DPP6: variants seen among roughly 807,000 people sequenced by gnomAD.
DPP6 encodes the protein dipeptidyl peptidase like 6, also known as A-type potassium channel modulatory protein DPP6.
In DPP6, 69 loss-of-function variants were observed where a neutral mutation model predicts 122.6. That is an observed-to-expected ratio of 0.56 (90% confidence interval 0.46 to 0.69). The LOEUF (loss-of-function observed/expected upper bound fraction) is 0.69. Ranked by LOEUF, DPP6 falls within the 30% of genes least tolerant of loss-of-function variation. The pLI, the probability that DPP6 is intolerant of heterozygous loss-of-function variation, is 0.00. For missense variants in DPP6, 928 were observed against 1,116.9 expected, an observed-to-expected ratio of 0.83 and a Z score of 2.41; for synonymous variants, 418 against 433.1, an observed-to-expected ratio of 0.97 and a Z score of 0.43.
chr7:154,072,441 A>T (rs891181737), intron 1 of DPP6, among the ~76,000 whole-genome samples: 6 of 152,206 alleles, frequency 3.9e-5, no homozygotes, highest in African/African-American at 1.4e-4. Context: ...TCAATAATAG[A>T]CAGGATTTGA....
intron 1 of DPP6, among the ~76,000 whole-genome samples, chr7:154,170,434 C>A (rs1356071404): frequency 1.3e-5 from 2 of 152,180 alleles, no homozygotes; most frequent in Non-Finnish European, 1.5e-5. Context: ...AAAATCAGCT[C>A]CCCTATCAGG....
the DPP6 span, among the ~76,000 whole-genome samples, chr7:153,771,403 G>A: frequency 6.6e-6 from 1 of 152,136 alleles, no homozygotes; most frequent in Non-Finnish European, 1.5e-5. Flanking sequence ...GCAATGGCAC[G>A]ATCTGGCCTC....
intron 5 of DPP6, among the ~76,000 whole-genome samples, chr7:154,610,168 C>G (rs1035962927): frequency 3.9e-5 from 6 of 152,266 alleles, no homozygotes; most frequent in African/African-American, 1.4e-4. Flanking sequence ...CATAGTCCAA[C>G]TGAAGAGAGA....
intron 1 of DPP6, among the ~76,000 whole-genome samples, chr7:154,194,871 A>G (rs966777292): frequency 2.0e-5 from 3 of 152,210 alleles, no homozygotes; most frequent in African/African-American, 4.8e-5. Flanking sequence ...GTTTCAAGAA[A>G]TATATTCTGG....
intron 8 of DPP6, among the ~76,000 whole-genome samples, chr7:154,764,849 C>G (rs1190214405): frequency 6.6e-6 from 1 of 152,130 alleles, no homozygotes. Context: ...GTTAATTTCC[C>G]TGAACCTCCA....
At chr7:154,661,885 A>G (rs1219112786) in intron 6 of DPP6, among the ~76,000 whole-genome samples, 3 of 150,316 alleles carry the variant, frequency 2.0e-5, no homozygotes, top group African/African-American at 7.4e-5. Flanking sequence ...GTGAATCACC[A>G]TGGCATATTG....
At chr7:154,492,668 G>T (rs770392186) in intron 3 of DPP6, among the ~76,000 whole-genome samples, 2 of 152,130 alleles carry the variant, frequency 1.3e-5, no homozygotes, top group Non-Finnish European at 2.9e-5. Context: ...GAAACTGAAG[G>T]TTAGAAAGGC....
chr7:154,157,377 A>G (rs1323908025), intron 1 of DPP6, among the ~76,000 whole-genome samples: 1 of 152,216 alleles, frequency 6.6e-6, no homozygotes, highest in Non-Finnish European at 1.5e-5. Context: ...CAGAGACTTC[A>G]GAGGAGGAAC....
chr7:154,487,351 C>G (rs1199480306), intron 3 of DPP6, among the ~76,000 whole-genome samples: 1 of 152,144 alleles, frequency 6.6e-6, no homozygotes, highest in African/African-American at 2.4e-5. Context: ...AAGACCCCGC[C>G]GTACTCAGCC....
chr7:154,627,591 T>C (rs11976061), intron 5 of DPP6, among the ~76,000 whole-genome samples: 63,699 of 152,032 alleles, frequency 0.42, 13,910 homozygotes, highest in African/African-American at 0.55. Flanking sequence ...TTGCCAAATA[T>C]GGTCATTAAT....
At chr7:154,003,878 T>C (rs187958214) in intron 1 of DPP6, among the ~76,000 whole-genome samples, 66 of 152,334 alleles carry the variant, frequency 4.3e-4, no homozygotes, top group African/African-American at 1.5e-3. Flanking sequence ...AACTTCCCCC[T>C]CATTTCTGTG....
intron 3 of DPP6, among the ~76,000 whole-genome samples, chr7:154,494,091 C>G (rs1335767608): frequency 6.6e-6 from 1 of 152,342 alleles, no homozygotes; most frequent in East Asian, 1.9e-4. Flanking sequence ...TTGTGGCTTA[C>G]ACCTGTAATC....
the DPP6 span, among the ~76,000 whole-genome samples, chr7:153,801,414 C>T: frequency 2.6e-5 from 4 of 152,170 alleles, no homozygotes; most frequent in Admixed American, 6.5e-5. Flanking sequence ...CAAACCTCAT[C>T]AGTCCTCGAC....
At chr7:154,102,520 C>T (rs371649931) in intron 1 of DPP6, among the ~76,000 whole-genome samples, 15 of 152,144 alleles carry the variant, frequency 9.9e-5, no homozygotes, top group African/African-American at 2.9e-4. Context: ...GGGGACCCCT[C>T]ATTCAGCCAC....
chr7:154,032,087 G>C (rs1458075126), intron 1 of DPP6, among the ~76,000 whole-genome samples: 7 of 150,880 alleles, frequency 4.6e-5, no homozygotes, highest in Non-Finnish European at 8.8e-5. Flanking sequence ...AGCCAGGATG[G>C]ATGGTCTCGA....
At chr7:153,867,512 C>G in the DPP6 span, among the ~76,000 whole-genome samples, 1 of 152,298 alleles carries the variant, frequency 6.6e-6, no homozygotes, top group African/African-American at 2.4e-5. Flanking sequence ...TATCCTGAGA[C>G]TTTGCTGAAG....
At position 154,648,917 on chromosome 7, in the gene DPP6, TAAAAAA is replaced by T. The variant is rs59039501; in HGVS notation, c.680+11056_680+11061del. The stretch of plus-strand genomic sequence containing the variant: ...CTGGCAACAGAGCGAGACTCCATCT[TAAAAAA>T]AAAAAAAAAAATACACTTTTTAAAG... On this transcript the variant is annotated intron_variant, in intron 6 of 25. Transcript: ENST00000377770. 6.0e-3 allele frequency among the ~76,000 whole-genome samples: 897 copies of T among 149,116 alleles called. 9 individuals carry two copies. The highest frequency in any genetic ancestry group is 0.021 in the African/African-American group (829 of 40,412).
the DPP6 span, among the ~76,000 whole-genome samples, chr7:153,880,039 T>C: frequency 7.2e-5 from 11 of 152,306 alleles, no homozygotes; most frequent in South Asian, 2.3e-3. Context: ...TTGTGCCATC[T>C]TATAGGAAAA....
intron 1 of DPP6, among the ~76,000 whole-genome samples, chr7:154,368,886 T>G (rs1367100801): frequency 6.6e-6 from 1 of 152,188 alleles, no homozygotes; most frequent in African/African-American, 2.4e-5. Context: ...GACGGCAAGC[T>G]GCATTTTTTT....
Sources: gnomAD v4.1 joint callset for allele counts (sites outside exome capture counted in the v4.1 genomes callset) on GRCh38, gnomAD v4.1.1 for gene constraint, MANE v1.5 for transcripts, NCBI Gene and HGNC (gene_info 2026-07-23, HGNC 2026-07-21) for gene names.